OPCML: variants seen among roughly 807,000 people sequenced by gnomAD.
OPCML encodes the protein opioid binding protein/cell adhesion molecule like.
In OPCML, 13 loss-of-function variants were observed where a neutral mutation model predicts 37.8. The ratio of observed to expected loss-of-function variants is 0.34; its 90% CI spans 0.22 to 0.55. The LOEUF (loss-of-function observed/expected upper bound fraction) is 0.55. Ranked by LOEUF, OPCML falls within the 20% of genes least tolerant of loss-of-function variation. OPCML has a pLI of 0.91. For synonymous variants in OPCML, 176 were observed against 168.8 expected, an observed-to-expected ratio of 1.04 and a Z score of -0.33; for missense variants, 341 against 435.6, an observed-to-expected ratio of 0.78 and a Z score of 1.93.
chr11:132,564,752 T>C (rs184998133), intron 3 of OPCML, among the ~76,000 whole-genome samples: 26 of 152,292 alleles, frequency 1.7e-4, no homozygotes, highest in African/African-American at 6.0e-4. Flanking sequence ...CTGGTCTCTG[T>C]GGATGTGTTT....
intron 4 of OPCML, among the ~76,000 whole-genome samples, chr11:132,490,696 G>A (rs61908191): frequency 0.016 from 2,375 of 151,990 alleles, 26 homozygotes; most frequent in Non-Finnish European, 0.025. Flanking sequence ...GCGGGCGCCT[G>A]TGGTCCCGGC....
chr11:132,918,378 G>A (rs1423298073), intron 2 of OPCML, among the ~76,000 whole-genome samples: 3 of 152,152 alleles, frequency 2.0e-5, no homozygotes, highest in Non-Finnish European at 4.4e-5. Context: ...ACGTCCATTT[G>A]TAGGTATTGA....
chr11:132,563,940 T>C (rs972621321), intron 3 of OPCML, among the ~76,000 whole-genome samples: 2 of 152,172 alleles, frequency 1.3e-5, no homozygotes, highest in East Asian at 1.9e-4. Flanking sequence ...TGATTCCAGA[T>C]AGCCATGCCC....
intron 2 of OPCML, among the ~76,000 whole-genome samples, chr11:132,777,081 C>G (rs899317467): frequency 2.0e-5 from 3 of 152,190 alleles, no homozygotes; most frequent in Non-Finnish European, 2.9e-5. Flanking sequence ...ACTTCTCCAA[C>G]TAAATTATAA....
chr11:132,848,859 T>C lies in OPCML; in HGVS notation c.146+94067A>G, dbSNP rs1941671960. ...CACTTTTTCCTTTTTCACAGAGTAA[T>C]TGTGAAAATCGTATTAGATCATGCC... On this transcript the variant is annotated intron_variant, in intron 2 of 7. Coordinates refer to ENST00000524381, the MANE Select transcript of OPCML (RefSeq NM_001012393.5). Among the ~76,000 whole-genome samples the C allele has an allele frequency of 2.0e-5, 3 of 152,206 alleles. No homozygotes were observed. The South Asian group carries it at 6.2e-4, about 32-fold the overall frequency.
At chr11:132,535,943 A>G (rs2096339592) in intron 3 of OPCML, among the ~76,000 whole-genome samples, 1 of 152,160 alleles carries the variant, frequency 6.6e-6, no homozygotes, top group African/African-American at 2.4e-5. Flanking sequence ...CCACGTTGTC[A>G]AGAACTCTCT....
chr11:133,176,337 C>CTTTTTTTTTTT (rs3049633), intron 1 of OPCML, among the ~76,000 whole-genome samples: 2 of 140,032 alleles, frequency 1.4e-5, no homozygotes, highest in Admixed American at 7.1e-5. Flanking sequence ...CTTCATTTTC[C>CTTTTTTTTTTT]TTTTTTTTTT....
rs567850211 is a variant in OPCML at position 133,082,715 on chromosome 11, C to T, written c.62-139705G>A. Among the ~76,000 whole-genome samples, 15 of 142,118 alleles carry T rather than the reference C, an allele frequency of 1.1e-4. No homozygotes were observed. The East Asian group carries it at 2.6e-3, about 25-fold the overall frequency. The allele number at this position is 142,118 out of a possible 152,430, so 93.2% of individuals were successfully genotyped here. ...AAGCCGGGCGAGGGGCTCAAGGCCC[C>T]TCTGGAGACCGCTTCTCCCCCGCGG... On this transcript the variant is annotated intron_variant, in intron 1 of 7. Coordinates refer to ENST00000524381, the MANE Select transcript of OPCML (RefSeq NM_001012393.5).
intron 6 of OPCML, chr11:132,436,440 C>A: frequency 1.1e-6 from 1 of 951,964 alleles, no homozygotes; most frequent in Non-Finnish European, 1.3e-6. Flanking sequence ...ATGTCTACAA[C>A]CAGTCTCAGA....
intron 2 of OPCML, among the ~76,000 whole-genome samples, chr11:132,690,774 G>A (rs751346227): frequency 6.6e-6 from 1 of 152,146 alleles, no homozygotes; most frequent in Non-Finnish European, 1.5e-5. Flanking sequence ...GGTTAATAAA[G>A]CCTAAGAAAG....
intron 2 of OPCML, among the ~76,000 whole-genome samples, chr11:132,790,115 C>G (rs1937796568): frequency 6.6e-6 from 1 of 152,194 alleles, no homozygotes. Flanking sequence ...GAAAGCAAAT[C>G]ATTACATGAA....
intron 2 of OPCML, among the ~76,000 whole-genome samples, chr11:132,774,799 C>T (rs1946759719): frequency 6.6e-6 from 1 of 152,206 alleles, no homozygotes; most frequent in Non-Finnish European, 1.5e-5. Context: ...GGGTCATCAT[C>T]AGGGCTGTGC....
At chr11:133,221,901 A>C (rs1461589488) in intron 1 of OPCML, among the ~76,000 whole-genome samples, 1 of 152,190 alleles carries the variant, frequency 6.6e-6, no homozygotes, top group African/African-American at 2.4e-5. Context: ...AGGATCAGGA[A>C]AAATAACTAA....
chr11:133,225,917 A>G (rs1347633311), intron 1 of OPCML, among the ~76,000 whole-genome samples: 2 of 152,238 alleles, frequency 1.3e-5, no homozygotes, highest in Non-Finnish European at 2.9e-5. Context: ...ATATTCTTCA[A>G]ACAGCTTCCC....
At chr11:132,449,152 C>T (rs2096062562) in intron 4 of OPCML, among the ~76,000 whole-genome samples, 1 of 152,154 alleles carries the variant, frequency 6.6e-6, no homozygotes, top group African/African-American at 2.4e-5. Context: ...ATAGAGACAC[C>T]ATGACAATTT....
intron 1 of OPCML, among the ~76,000 whole-genome samples, chr11:133,056,452 G>C (rs748543384): frequency 2.0e-5 from 3 of 152,192 alleles, no homozygotes; most frequent in African/African-American, 4.8e-5. Flanking sequence ...TCTAATCGTG[G>C]AGAGAATGTC....
chr11:133,213,924 A>C (rs992534304), intron 1 of OPCML, among the ~76,000 whole-genome samples: 1 of 152,228 alleles, frequency 6.6e-6, no homozygotes, highest in Non-Finnish European at 1.5e-5. Context: ...CATCATCTTT[A>C]AGAAATAGCA....
At chr11:132,697,290 A>G (rs1172396123) in intron 2 of OPCML, among the ~76,000 whole-genome samples, 1 of 152,186 alleles carries the variant, frequency 6.6e-6, no homozygotes, top group Non-Finnish European at 1.5e-5. Context: ...GGATATGGGA[A>G]GAGCATTTAA....
intron 1 of OPCML, among the ~76,000 whole-genome samples, chr11:133,288,789 T>C (rs1942374669): frequency 6.6e-6 from 1 of 152,208 alleles, no homozygotes; most frequent in Non-Finnish European, 1.5e-5. Flanking sequence ...GAGAGACCTC[T>C]GCTTTCTATG....
Sources: gnomAD v4.1 joint callset for allele counts (sites outside exome capture counted in the v4.1 genomes callset) on GRCh38, gnomAD v4.1.1 for gene constraint, MANE v1.5 for transcripts, NCBI Gene and HGNC (gene_info 2026-07-23, HGNC 2026-07-21) for gene names.